CAPZB: variants seen among roughly 807,000 people sequenced by gnomAD.
CAPZB encodes capping actin protein of muscle Z-line subunit beta.
Under a neutral mutation model 38.1 loss-of-function variants are expected in CAPZB, and 2 were observed. That is an observed-to-expected ratio of 0.05 (90% CI 0.02 to 0.17). The LOEUF (loss-of-function observed/expected upper bound fraction) is 0.17. CAPZB is among the 10% of genes least tolerant of loss of function. CAPZB has a pLI of 1.00. For missense variants in CAPZB, 161 were observed against 334.2 expected, an observed-to-expected ratio of 0.48 and a Z score of 4.04; for synonymous variants, 107 against 127.4, an observed-to-expected ratio of 0.84 and a Z score of 1.08.
chr1:19,352,986 G>A lies in CAPZB; in HGVS notation c.588+3649C>T, dbSNP rs556305130. Among the ~76,000 whole-genome samples, 8 of 152,348 alleles carry A rather than the reference G, an allele frequency of 5.3e-5. No individual in the cohort carries two copies. In the East Asian group the frequency reaches 9.6e-4, roughly 18 times the overall value. On this transcript the variant is annotated intron_variant, in intron 6 of 8. Coordinates refer to ENST00000264202, the MANE Select transcript of CAPZB (RefSeq NM_004930.5). ...ACAGGGCATAGCCTGATGTGCCCAC[G>A]GAAGGGACCCCTGCGAGGTGCCAGC...
At chr1:19,432,391 G>A (rs2094445162) in intron 1 of CAPZB, among the ~76,000 whole-genome samples, 1 of 152,086 alleles carries the variant, frequency 6.6e-6, no homozygotes, top group Non-Finnish European at 1.5e-5. Context: ...GCAGTGAGCT[G>A]AGATAGCACC....
intron 1 of CAPZB, among the ~76,000 whole-genome samples, chr1:19,441,017 G>A (rs2094474483): frequency 1.3e-5 from 2 of 152,144 alleles, no homozygotes; most frequent in Non-Finnish European, 1.5e-5. Context: ...CTGAGATCGT[G>A]CCACTGCACT....
chr1:19,449,024 G>GCCCGCTC (rs767950041), intron 1 of CAPZB: 125 of 1,523,658 alleles, frequency 8.2e-5, no homozygotes, highest in Non-Finnish European at 1.1e-4. Context: ...GCTGCTCGCT[G>GCCCGCTC]CCCGCTCCTG....
chr1:19,432,623 G>A (rs1459601712), intron 1 of CAPZB, among the ~76,000 whole-genome samples: 1 of 152,234 alleles, frequency 6.6e-6, no homozygotes, highest in Non-Finnish European at 1.5e-5. Flanking sequence ...GCTGCACCCT[G>A]TGGGTTTCAG....
chr1:19,465,572 A>T (rs1393692067), intron 1 of CAPZB, among the ~76,000 whole-genome samples: 1 of 152,214 alleles, frequency 6.6e-6, no homozygotes, highest in African/African-American at 2.4e-5. Context: ...TTTCAAAGCC[A>T]ACTGCAGAGG....
At chr1:19,439,706 C>T (rs1018688551) in intron 1 of CAPZB, among the ~76,000 whole-genome samples, 1 of 152,248 alleles carries the variant, frequency 6.6e-6, no homozygotes, top group African/African-American at 2.4e-5. Context: ...AGCTTCCCTC[C>T]CGGCTGACAC....
intron 1 of CAPZB, among the ~76,000 whole-genome samples, chr1:19,446,445 G>A (rs1328806043): frequency 6.6e-6 from 1 of 152,214 alleles, no homozygotes; most frequent in Non-Finnish European, 1.5e-5. Context: ...AATGATCTGA[G>A]TCTAGAAAGG....
intron 2 of CAPZB, among the ~76,000 whole-genome samples, chr1:19,394,661 A>G (rs1235417726): frequency 6.6e-6 from 1 of 152,186 alleles, no homozygotes. Flanking sequence ...GGTTGCAGTG[A>G]GCAGAGATCG....
chr1:19,385,472 T>C, intron 3 of CAPZB, 33 bp downstream of exon 3: 2 of 1,611,214 alleles, frequency 1.2e-6, no homozygotes, highest in South Asian at 1.1e-5. Context: ...GTGTGCCTGC[T>C]GTGCCTGCTG....
chr1:19,445,466 T>C (rs771584416), intron 1 of CAPZB, among the ~76,000 whole-genome samples: 4 of 152,052 alleles, frequency 2.6e-5, no homozygotes, highest in Non-Finnish European at 4.4e-5. Flanking sequence ...AAATGGAACA[T>C]AGGCTCTCTG....
intron 2 of CAPZB, among the ~76,000 whole-genome samples, chr1:19,417,541 C>A (rs998046320): frequency 6.6e-5 from 10 of 152,154 alleles, no homozygotes; most frequent in Non-Finnish European, 1.5e-5. Context: ...ATTCTGTAGT[C>A]CTACCTCATA....
At chr1:19,461,760 G>A (rs1031741200) in intron 1 of CAPZB, among the ~76,000 whole-genome samples, 4 of 152,182 alleles carry the variant, frequency 2.6e-5, no homozygotes, top group Non-Finnish European at 4.4e-5. Flanking sequence ...GTAGGAATCC[G>A]AATGCTATGG....
chr1:19,483,998 A>G (rs988136332), intron 1 of CAPZB, among the ~76,000 whole-genome samples: 4 of 152,230 alleles, frequency 2.6e-5, no homozygotes, highest in African/African-American at 4.8e-5. Context: ...CCTGTCAGGA[A>G]GAAGTTCTCT....
chr1:19,446,883 G>GA (rs2094497739), intron 1 of CAPZB, among the ~76,000 whole-genome samples: 1 of 152,092 alleles, frequency 6.6e-6, no homozygotes, highest in Admixed American at 6.6e-5. Flanking sequence ...TGAACTCCAA[G>GA]TTTTTTCCAT....
chr1:19,352,849 C>T (rs939310413), intron 6 of CAPZB, among the ~76,000 whole-genome samples: 1 of 152,268 alleles, frequency 6.6e-6, no homozygotes, highest in African/African-American at 2.4e-5. Context: ...GAGGCAGCAT[C>T]GCCTGGTCTG....
intron 1 of CAPZB, among the ~76,000 whole-genome samples, chr1:19,454,489 C>T (rs534416578): frequency 2.2e-4 from 34 of 152,284 alleles, no homozygotes; most frequent in African/African-American, 8.2e-4. Context: ...AAGAGTCACT[C>T]CTGAGCGCTT....
At chr1:19,430,130 C>T (rs529091698) in intron 1 of CAPZB, among the ~76,000 whole-genome samples, 1 of 152,316 alleles carries the variant, frequency 6.6e-6, no homozygotes, top group Admixed American at 6.5e-5. Context: ...CCATCTGAGG[C>T]CATCGAAACC....
chr1:19,364,528 T>A (rs529799935), intron 4 of CAPZB, among the ~76,000 whole-genome samples: 1 of 152,388 alleles, frequency 6.6e-6, no homozygotes, highest in African/African-American at 2.4e-5. Context: ...TGCATAGTCC[T>A]TTCAAACATT....
chr1:19,476,427 A>T (rs968010661), intron 1 of CAPZB, among the ~76,000 whole-genome samples: 6 of 152,180 alleles, frequency 3.9e-5, no homozygotes, highest in Admixed American at 1.3e-4. Context: ...TCAATCAATC[A>T]AACAGGCCAA....
Sources: gnomAD v4.1 joint callset for allele counts (sites outside exome capture counted in the v4.1 genomes callset) on GRCh38, gnomAD v4.1.1 for gene constraint, MANE v1.5 for transcripts, NCBI Gene and HGNC (gene_info 2026-07-23, HGNC 2026-07-21) for gene names.